COBL: variants seen among roughly 807,000 people sequenced by gnomAD.
The protein encoded by COBL is protein cordon-bleu.
In COBL, 51 loss-of-function variants were observed where a neutral mutation model predicts 98.8. That is an observed-to-expected ratio of 0.52 (90% confidence interval 0.41 to 0.65). The LOEUF (loss-of-function observed/expected upper bound fraction) is 0.65. Ranked by LOEUF, COBL falls within the 30% of genes least tolerant of loss-of-function variation. The pLI, the probability that COBL is intolerant of heterozygous loss-of-function variation, is 0.00. For missense variants in COBL, 1,617 were observed against 1,617.5 expected, an observed-to-expected ratio of 1.00 and a Z score of 0.01; for synonymous variants, 634 against 651.7, an observed-to-expected ratio of 0.97 and a Z score of 0.41.
intron 8 of COBL, chr7:51,034,977 T>C (rs1408926601): frequency 6.6e-6 from 1 of 152,204 alleles, no homozygotes; most frequent in African/African-American, 2.4e-5. Flanking sequence ...AATGTGAATG[T>C]TTAGGCTACT....
At chr7:51,032,291 G>A (rs533462831) in intron 8 of COBL, 1 of 152,300 alleles carries the variant, frequency 6.6e-6, no homozygotes, top group South Asian at 2.1e-4. Context: ...TGCGTCACAG[G>A]GACAATGGCA....
chr7:51,260,329 T>C (rs1797604327), intron 1 of COBL, among the ~76,000 whole-genome samples: 1 of 152,236 alleles, frequency 6.6e-6, no homozygotes, highest in Admixed American at 6.5e-5. Context: ...AAAGTTTGCA[T>C]TGAAAATAAA....
intron 2 of COBL, among the ~76,000 whole-genome samples, chr7:51,196,812 C>T (rs113334334): frequency 0.014 from 2,122 of 152,058 alleles, 49 homozygotes; most frequent in African/African-American, 0.049. Context: ...AGTTTATGTG[C>T]ATAGAAGTGT....
intron 1 of COBL, among the ~76,000 whole-genome samples, chr7:51,228,148 A>T (rs2129100186): frequency 6.6e-6 from 1 of 152,248 alleles, no homozygotes; most frequent in Admixed American, 6.5e-5. Context: ...GAAAAACATC[A>T]GGTCAAATCC....
At chr7:51,074,395 T>C (rs1235148749) in intron 7 of COBL, among the ~76,000 whole-genome samples, 1 of 151,976 alleles carries the variant, frequency 6.6e-6, no homozygotes, top group Non-Finnish European at 1.5e-5. Context: ...GGGGTTTCAC[T>C]ATATTGGCCA....
At chr7:51,201,363 AATGAT>A (rs1201948312) in intron 2 of COBL, among the ~76,000 whole-genome samples, 1 of 152,178 alleles carries the variant, frequency 6.6e-6, no homozygotes, top group African/African-American at 2.4e-5. Context: ...GTCATTATAT[AATGAT>A]ATAAGGGACA....
chr7:51,206,165 T>C (rs964704962), intron 2 of COBL, among the ~76,000 whole-genome samples: 1 of 152,148 alleles, frequency 6.6e-6, no homozygotes, highest in African/African-American at 2.4e-5. Context: ...AATTACCATA[T>C]AACCCACCAA....
chr7:51,165,136 A>G (rs1787179813), intron 5 of COBL, among the ~76,000 whole-genome samples: 1 of 152,032 alleles, frequency 6.6e-6, no homozygotes, highest in Non-Finnish European at 1.5e-5. Context: ...TATCAATAAC[A>G]TTGAATGTAA....
At chr7:51,069,402 T>C (rs1413643962) in intron 7 of COBL, among the ~76,000 whole-genome samples, 4 of 152,260 alleles carry the variant, frequency 2.6e-5, no homozygotes, top group Non-Finnish European at 5.9e-5. Context: ...TGGAAAAACA[T>C]GAGCCTGAAA....
rs1367177064 is a variant in COBL at position 51,027,797 on chromosome 7, T to C, written c.3299A>G (p.Gln1100Arg). The change falls in exon 10 of 13, where the codon CAG becomes CGG. Residue 1100 changes from glutamine to arginine, a missense_variant. Physicochemically the swap from Gln to Arg is conservative, Grantham distance 43. Coordinates refer to ENST00000265136, the MANE Select transcript of COBL (RefSeq NM_015198.5). ...GPKKKFKPVV[Q>R]RPVPKDTSLH... is the part of the protein sequence containing the mutation. The stretch of plus-strand genomic sequence containing the variant: ...GGATGTGTCTTTTGGGACTGGTCTC[T>C]GGACAACAGGTTTGAATTTTTTCTT... 16 of 1,614,216 alleles carry C rather than the reference T, an allele frequency of 9.9e-6. No individual in the cohort carries two copies. Among genetic ancestry groups the C allele is most frequent in the Middle Eastern group, 1.6e-4 (1 of 6,062 alleles).
At chr7:51,196,835 G>C (rs1468768245) in intron 2 of COBL, among the ~76,000 whole-genome samples, 5 of 151,640 alleles carry the variant, frequency 3.3e-5, no homozygotes, top group African/African-American at 1.2e-4. Context: ...ATAATATTTT[G>C]ATGATTATTT....
chr7:51,062,030 T>C (rs767703596), intron 7 of COBL, among the ~76,000 whole-genome samples: 5 of 151,592 alleles, frequency 3.3e-5, no homozygotes, highest in African/African-American at 4.9e-5. Context: ...GCCTGACTAA[T>C]AGAGATTTTG....
rs114811551 is a variant in COBL, at chr7:51,261,152, C to T, written c.42-41208G>A. Among the ~76,000 whole-genome samples, 463 of 152,310 alleles carry T rather than the reference C, an allele frequency of 3.0e-3. 2 individuals carry two copies. Among genetic ancestry groups the T allele is most frequent in the African/African-American group, 0.01 (432 of 41,568 alleles). On this transcript the variant is annotated intron_variant, in intron 1 of 12. Coordinates refer to ENST00000265136, the MANE Select transcript of COBL (RefSeq NM_015198.5). ...TACACAGTAGATGGCTTACTCCTCTCTTCACTGAGAGGCGTACATGTACAG... is the reference window on the plus strand; with the variant it reads ...TACACAGTAGATGGCTTACTCCTCTTTTCACTGAGAGGCGTACATGTACAG...
At chr7:51,291,021 G>C (rs546315312) in intron 1 of COBL, among the ~76,000 whole-genome samples, 3 of 152,332 alleles carry the variant, frequency 2.0e-5, no homozygotes, top group African/African-American at 7.2e-5. Flanking sequence ...ATTCCTGCCA[G>C]GGGCTCACAA....
rs765453261 is a variant in COBL, at chr7:51,081,893, C to T, written c.1096+3273G>A. ...AATGGCTCTGGAGCCATCCACGCCACGGCTGCAGTCTTTCTGATTGATAAG... is the reference window on the plus strand; with the variant it reads ...AATGGCTCTGGAGCCATCCACGCCATGGCTGCAGTCTTTCTGATTGATAAG... On this transcript the variant is annotated intron_variant, in intron 7 of 12. Coordinates refer to ENST00000265136, the MANE Select transcript of COBL (RefSeq NM_015198.5). Among the ~76,000 whole-genome samples, 4 of 151,920 alleles carry T rather than the reference C, an allele frequency of 2.6e-5. No homozygotes were observed. In the East Asian group the frequency reaches 5.8e-4, roughly 22 times the overall value.
At chr7:51,078,865 T>A (rs1377704821) in intron 7 of COBL, among the ~76,000 whole-genome samples, 1 of 152,210 alleles carries the variant, frequency 6.6e-6, no homozygotes, top group African/African-American at 2.4e-5. Flanking sequence ...GGCTGAAGTC[T>A]CCCTCAGCTC....
At chr7:51,142,018 G>A (rs1799798015) in intron 5 of COBL, among the ~76,000 whole-genome samples, 1 of 152,146 alleles carries the variant, frequency 6.6e-6, no homozygotes, top group Non-Finnish European at 1.5e-5. Context: ...CAAATCCTGA[G>A]CTGTCTTCTG....
chr7:51,036,839 ATCTC>A (rs1289509340), intron 8 of COBL, among the ~76,000 whole-genome samples: 3 of 152,278 alleles, frequency 2.0e-5, no homozygotes, highest in African/African-American at 4.8e-5. Flanking sequence ...CACTTATTCG[ATCTC>A]TCTCTTTTAC....
intron 1 of COBL, among the ~76,000 whole-genome samples, chr7:51,267,562 C>CA (rs1305476614): frequency 6.6e-6 from 1 of 151,878 alleles, no homozygotes; most frequent in Admixed American, 6.6e-5. Context: ...AAATTACACA[C>CA]AAAAAAAGAA....
Sources: gnomAD v4.1 joint callset for allele counts (sites outside exome capture counted in the v4.1 genomes callset) on GRCh38, gnomAD v4.1.1 for gene constraint, MANE v1.5 for transcripts, NCBI Gene and HGNC (gene_info 2026-07-23, HGNC 2026-07-21) for gene names.